B4GALT1: variants seen among roughly 807,000 people sequenced by gnomAD.
B4GALT1 encodes beta-1,4-galactosyltransferase 1.
A neutral mutation model predicts 34.9 loss-of-function variants in B4GALT1; 16 were observed. The observed-to-expected ratio is 0.46, with a 90% confidence interval of 0.31 to 0.70. B4GALT1 has a LOEUF of 0.70. Among genes scored for constraint, B4GALT1 ranks in the 30% least tolerant of loss-of-function variants. The pLI is 0.05. For synonymous variants in B4GALT1, 221 were observed against 218.1 expected (o/e 1.01, Z -0.12); for missense variants, 445 against 530.5 (o/e 0.84, Z 1.58).
the B4GALT1 span, among the ~76,000 whole-genome samples, chr9:33,184,598 T>C: frequency 6.6e-6 from 1 of 152,214 alleles, no homozygotes; most frequent in Non-Finnish European, 1.5e-5. Flanking sequence ...CAAACTTTAA[T>C]GTGGATCACC....
chr9:33,112,183 G>A lies in B4GALT1; in HGVS notation c.*1271C>T, dbSNP rs533509723. ...GTGGCTAGCAGAGCCTCTGAGGGAG[G>A]TGGCCCCCACCAGAACAGAGGCTCC... On this transcript the variant is annotated 3_prime_UTR_variant, in exon 6 of 6. Transcript: ENST00000379731. 6.6e-6 allele frequency: 1 copy of A among 152,374 alleles called. No homozygotes were observed. The highest frequency in any genetic ancestry group is 1.5e-5 in the Non-Finnish European group (1 of 68,072). 9.4% of individuals were successfully genotyped at this position (152,374 alleles called of 1,614,324 possible).
In B4GALT1 at chr9:33,167,298, T is replaced by G; in HGVS notation, c.-129A>C. On this transcript the variant is annotated 5_prime_UTR_variant, in exon 1 of 6. Coordinates refer to ENST00000379731, the MANE Select transcript of B4GALT1 (RefSeq NM_001497.4). ...CCCGGAGCGGGGGCGGGCGAGCGGCTGAGAGCTGAGACTCCTCCAGCCAGC... is the reference window on the plus strand; with the variant it reads ...CCCGGAGCGGGGGCGGGCGAGCGGCGGAGAGCTGAGACTCCTCCAGCCAGC... The G allele has an allele frequency of 8.1e-7, 1 of 1,238,566 alleles. No homozygotes were observed. The highest frequency in any genetic ancestry group is 1.1e-6 in the Non-Finnish European group (1 of 944,702). The allele number at this position is 1,238,566 out of a possible 1,614,324, so 76.7% of individuals were successfully genotyped here. A position where few individuals can be genotyped will look rare whatever the true frequency, so the allele number is the denominator to read the frequency against.
chr9:33,133,431 C>T (rs1840222337), intron 2 of B4GALT1, among the ~76,000 whole-genome samples: 1 of 152,220 alleles, frequency 6.6e-6, no homozygotes, highest in Non-Finnish European at 1.5e-5. Context: ...TGGTGGCCGC[C>T]TCTTCCAGGT....
chr9:33,124,539 A>G (rs978494320), intron 2 of B4GALT1, among the ~76,000 whole-genome samples: 1 of 152,186 alleles, frequency 6.6e-6, no homozygotes, highest in Non-Finnish European at 1.5e-5. Flanking sequence ...TGGGTTTTTC[A>G]GAATTAAGAA....
intron 2 of B4GALT1, among the ~76,000 whole-genome samples, chr9:33,131,460 C>T (rs760085871): frequency 5.3e-5 from 8 of 152,196 alleles, no homozygotes; most frequent in Non-Finnish European, 7.4e-5. Flanking sequence ...GGTTGTGTAG[C>T]ATTTCAATGG....
At chr9:33,158,636 T>C (rs1429616817) in intron 1 of B4GALT1, among the ~76,000 whole-genome samples, 1 of 152,182 alleles carries the variant, frequency 6.6e-6, no homozygotes, top group Non-Finnish European at 1.5e-5. Context: ...TGTTCAAACA[T>C]ACTGAGAGAC....
Position 33,151,130 on chromosome 9 carries a change from C to G in B4GALT1, c.412+15628G>C, listed in dbSNP as rs574002829. On this transcript the variant is annotated intron_variant, in intron 1 of 5. Coordinates refer to ENST00000379731, the MANE Select transcript of B4GALT1 (RefSeq NM_001497.4). The stretch of plus-strand genomic sequence containing the variant: ...ATTGTGGGGATGAATTCATCAGCCA[C>G]GAGAGACTGACCCATCTAATGTTAA... Among the ~76,000 whole-genome samples, 29 of 152,256 alleles carry G rather than the reference C, an allele frequency of 1.9e-4. 1 individual carries two copies. The South Asian group carries it at 5.4e-3, about 28-fold the overall frequency.
intron 2 of B4GALT1, among the ~76,000 whole-genome samples, chr9:33,127,829 A>C (rs914737982): frequency 6.6e-6 from 1 of 152,250 alleles, no homozygotes; most frequent in Non-Finnish European, 1.5e-5. Context: ...ACTGTGGTTT[A>C]ATTTAAAAGA....
chr9:33,183,664 G>A, the B4GALT1 span, among the ~76,000 whole-genome samples: 1 of 144,104 alleles, frequency 6.9e-6, no homozygotes, highest in East Asian at 2.2e-4. Flanking sequence ...GATAGCATTG[G>A]GAGATATACC....
intron 1 of B4GALT1, among the ~76,000 whole-genome samples, chr9:33,162,477 T>G (rs2118317092): frequency 6.6e-6 from 1 of 152,318 alleles, no homozygotes; most frequent in Middle Eastern, 3.4e-3. Context: ...GGAATGAAGT[T>G]ATCAGATGCC....
upstream of B4GALT1, among the ~76,000 whole-genome samples, chr9:33,171,440 G>T (rs1172530835): frequency 6.6e-6 from 1 of 152,196 alleles, no homozygotes; most frequent in Non-Finnish European, 1.5e-5. Context: ...CAAAAATACA[G>T]AAGATGGAGA....
At chr9:33,115,465 A>C (rs1839925539) in intron 4 of B4GALT1, among the ~76,000 whole-genome samples, 1 of 152,230 alleles carries the variant, frequency 6.6e-6, no homozygotes, top group Non-Finnish European at 1.5e-5. Context: ...TACCAGCTTA[A>C]AAAGAGCCCC....
Position 33,116,085 on chromosome 9 carries a change from C to T in B4GALT1, c.865G>A (p.Val289Ile), listed in dbSNP as rs1226109380. 2 of 1,613,420 alleles carry T rather than the reference C, an allele frequency of 1.2e-6. No homozygotes were observed. Among genetic ancestry groups the T allele is most frequent in the African/African-American group, 2.7e-5 (2 of 74,912 alleles). Residue 289 changes from valine to isoleucine, a missense_variant, in exon 4 of 6, where the codon GTC (valine) becomes ATC (isoleucine). This residue lies in a region of B4GALT1 where 349 missense variants were observed against 395.5 expected (regional missense o/e 0.88). Transcript: ENST00000379731. ...AACTGTTGTTTACTTAGAGCAGAGACACCTCCAAAATACTGAACATAAGGT... is the reference window on the plus strand; with the variant it reads ...AACTGTTGTTTACTTAGAGCAGAGATACCTCCAAAATACTGAACATAAGGT... Reference protein sequence around the residue: ...SLPYVQYFGGVSALSKQQFLT... With the variant: ...SLPYVQYFGGISALSKQQFLT...
chr9:33,174,993 ATATATAT>A, the B4GALT1 span, among the ~76,000 whole-genome samples: 1 of 31,504 alleles, frequency 3.2e-5, no homozygotes, highest in Admixed American at 4.0e-4. Context: ...AAAAAAAAAT[ATATATAT>A]ATATATATAT....
chr9:33,144,055 A>T (rs1445712195), intron 1 of B4GALT1, among the ~76,000 whole-genome samples: 1 of 151,782 alleles, frequency 6.6e-6, no homozygotes, highest in Non-Finnish European at 1.5e-5. Context: ...TAATTTTTAA[A>T]TTTTTTGTAG....
At chr9:33,152,820 G>T (rs1252738304) in intron 1 of B4GALT1, among the ~76,000 whole-genome samples, 1 of 152,074 alleles carries the variant, frequency 6.6e-6, no homozygotes, top group African/African-American at 2.4e-5. Flanking sequence ...GTTGCAGTGA[G>T]CCAAGATCGG....
At chr9:33,108,044 C>A (rs1170860411), downstream of B4GALT1, among the ~76,000 whole-genome samples, 1 of 152,188 alleles carries the variant, frequency 6.6e-6, no homozygotes, top group Non-Finnish European at 1.5e-5. Context: ...ATGTACATGG[C>A]AGTCTGTATA....
At chr9:33,181,264 A>T in the B4GALT1 span, among the ~76,000 whole-genome samples, 4 of 151,956 alleles carry the variant, frequency 2.6e-5, no homozygotes, top group African/African-American at 9.7e-5. Flanking sequence ...TATTAAAAAT[A>T]AAAAAAATTA....
chr9:33,149,200 TAAAAA>T (rs57591247), intron 1 of B4GALT1, among the ~76,000 whole-genome samples: 5 of 147,096 alleles, frequency 3.4e-5, no homozygotes, highest in East Asian at 1.9e-4. Context: ...AAAAAAAATT[TAAAAA>T]AAAAAAAGTG....
Sources: allele counts gnomAD v4.1 joint callset (sites outside exome capture counted in the v4.1 genomes callset), GRCh38; gene constraint gnomAD v4.1.1; regional missense constraint gnomAD v4.1.1; transcripts MANE v1.5; gene names NCBI Gene and HGNC (gene_info 2026-07-23, HGNC 2026-07-21).